The following PREX1 variants were observed in gnomAD, a reference collection of about 807,000 sequenced individuals.
PREX1 encodes phosphatidylinositol-3,4,5-trisphosphate dependent Rac exchange factor 1.
PREX1 carries 41 observed loss-of-function variants against 198.3 expected under a neutral mutation model. The observed-to-expected ratio is 0.21, with a 90% CI of 0.16 to 0.27. The LOEUF is 0.27. PREX1 is among the 10% of genes least tolerant of loss of function. PREX1 has a pLI of 1.00. For synonymous variants in PREX1, 843 were observed against 887.2 expected (o/e 0.95, Z 0.89); for missense variants, 1,620 against 2,200.7 (o/e 0.74, Z 5.28).
intron 1 of PREX1, among the ~76,000 whole-genome samples, chr20:48,813,693 G>A (rs888267809): frequency 3.3e-5 from 5 of 152,062 alleles, no homozygotes; most frequent in South Asian, 2.1e-4. Flanking sequence ...GAGGGGGAGC[G>A]ATCAAATAAA....
At chr20:48,882,940 T>TC in the PREX1 span, among the ~76,000 whole-genome samples, 1 of 150,184 alleles carries the variant, frequency 6.7e-6, no homozygotes, top group African/African-American at 2.5e-5. Context: ...CCTTTTTTTT[T>TC]TTTTTTTTTT....
chr20:48,764,905 A>C (rs2122856037), intron 1 of PREX1, among the ~76,000 whole-genome samples: 1 of 152,238 alleles, frequency 6.6e-6, no homozygotes, highest in Middle Eastern at 3.4e-3. Flanking sequence ...CCACAAGCCA[A>C]GGAATGCAGG....
rs1207640899 is a variant in PREX1, at chr20:48,649,700, C to T, written c.3029-124G>A. 22 of 1,187,582 alleles carry T rather than the reference C, an allele frequency of 1.9e-5. No homozygotes were observed. The South Asian group carries it at 3.0e-4, about 16-fold the overall frequency. The allele number at this position is 1,187,582 out of a possible 1,614,324, so 73.6% of individuals were successfully genotyped here. ...AGGAGAAAAATGTCCCTTCTAAATA[C>T]TCTTAATTCATTCAGTTACTTCAAG... On this transcript the variant is annotated intron_variant, in intron 24 of 39. Coordinates refer to ENST00000371941, the MANE Select transcript of PREX1 (RefSeq NM_020820.4).
intron 16 of PREX1, among the ~76,000 whole-genome samples, chr20:48,658,983 C>G (rs574955698): frequency 6.6e-6 from 1 of 151,982 alleles, no homozygotes; most frequent in Admixed American, 6.6e-5. Flanking sequence ...AATCCCAGCA[C>G]TTTGGGAGGC....
At chr20:48,845,776 T>C in the PREX1 span, among the ~76,000 whole-genome samples, 1 of 151,168 alleles carries the variant, frequency 6.6e-6, no homozygotes, top group African/African-American at 2.4e-5. Flanking sequence ...TGGACCAAAT[T>C]TGAGCTTTCC....
the PREX1 span, among the ~76,000 whole-genome samples, chr20:48,837,667 G>A: frequency 2.6e-5 from 4 of 152,188 alleles, no homozygotes; most frequent in African/African-American, 9.7e-5. Context: ...GGGCCTACTT[G>A]AGGGTGAAGA....
chr20:48,881,009 A>AAAAAAAAAAAAAAAAC, the PREX1 span, among the ~76,000 whole-genome samples: 1 of 147,360 alleles, frequency 6.8e-6, no homozygotes, highest in Non-Finnish European at 1.5e-5. Flanking sequence ...AAAAAAAAAA[A>AAAAAAAAAAAAAAAAC]GCTTCTTTTC....
chr20:48,634,168 A>ATGAT, intron 33 of PREX1, among the ~76,000 whole-genome samples: 1 of 107,800 alleles, frequency 9.3e-6, no homozygotes, highest in African/African-American at 3.0e-5. Flanking sequence ...GGATGGATGG[A>ATGAT]TGGATGCATG....
chr20:48,792,379 A>G (rs1446195780), intron 1 of PREX1, among the ~76,000 whole-genome samples: 1 of 152,092 alleles, frequency 6.6e-6, no homozygotes, highest in Non-Finnish European at 1.5e-5. Context: ...CTGAGGCAGG[A>G]GAATCACTTG....
chr20:48,640,691 C>T (rs1004489535), intron 29 of PREX1, among the ~76,000 whole-genome samples: 1 of 152,154 alleles, frequency 6.6e-6, no homozygotes, highest in Non-Finnish European at 1.5e-5. Context: ...GTGCCCAGTA[C>T]AAGGCCTGGC....
intron 21 of PREX1, among the ~76,000 whole-genome samples, chr20:48,652,267 TAA>T (rs55891542): frequency 4.0e-5 from 6 of 149,004 alleles, no homozygotes; most frequent in Admixed American, 6.6e-5. Context: ...ACCTCATCTC[TAA>T]AAAAAAAACT....
chr20:48,690,001 GGAGACCAGGGGT>G (rs1568825744), intron 9 of PREX1, among the ~76,000 whole-genome samples: 1 of 152,172 alleles, frequency 6.6e-6, no homozygotes, highest in Non-Finnish European at 1.5e-5. Flanking sequence ...GTGTTGCAGG[GGAGACCAGGGGT>G]GATACGAAGA....
rs141444380 is a variant in PREX1 at position 48,636,679 on chromosome 20, C to T, written c.3951G>A (p.Thr1317=). The part of the protein sequence containing the change: ...LLLALLKCTD[T]ELQLRRDAIF... Reference sequence around the variant, plus strand: ...TCGCGTCTCTGCGCAGCTGCAGCTCCGTGTCTGGGGGCAGAGGGCAGGAGG... The same window carrying T: ...TCGCGTCTCTGCGCAGCTGCAGCTCTGTGTCTGGGGGCAGAGGGCAGGAGG... Residue 1317 remains threonine, a synonymous_variant, in exon 32 of 40, where the codon ACG becomes ACA. Coordinates refer to ENST00000371941, the MANE Select transcript of PREX1 (RefSeq NM_020820.4). The T allele has an allele frequency of 4.0e-4, 644 of 1,601,560 alleles. 3 individuals are homozygous for T. In the African/African-American group the frequency reaches 7.8e-3, roughly 19 times the overall value.
chr20:48,632,658 C>G lies in PREX1; in HGVS notation c.4268-19G>C. On this transcript the variant is annotated intron_variant, in intron 33 of 39. Coordinates refer to ENST00000371941, the MANE Select transcript of PREX1 (RefSeq NM_020820.4). ...TTGGTGTCTGCGGAAGGATATGGGG[C>G]AGGATGACTCACCACCGAGGCCAAG... 6.2e-7 allele frequency: 1 copy of G among 1,612,748 alleles called. No individual in the cohort carries two copies. Among genetic ancestry groups the G allele is most frequent in the South Asian group, 1.1e-5 (1 of 90,940 alleles).
intron 5 of PREX1, among the ~76,000 whole-genome samples, chr20:48,721,832 T>A (rs948042787): frequency 1.3e-5 from 2 of 151,292 alleles, no homozygotes; most frequent in African/African-American, 4.9e-5. Flanking sequence ...CTGGACAGAG[T>A]CTGAGAGCAG....
chr20:48,665,493 G>T (rs931336744), intron 15 of PREX1, among the ~76,000 whole-genome samples: 1 of 149,654 alleles, frequency 6.7e-6, no homozygotes, highest in African/African-American at 2.4e-5. Flanking sequence ...GACTCCAGAC[G>T]GCCTGAGTTC....
chr20:48,868,688 C>A, the PREX1 span, among the ~76,000 whole-genome samples: 5 of 152,240 alleles, frequency 3.3e-5, no homozygotes, highest in Admixed American at 2.0e-4. Context: ...ACTACAGTTT[C>A]CCACTCCACA....
chr20:48,845,524 G>A, the PREX1 span, among the ~76,000 whole-genome samples: 2 of 152,014 alleles, frequency 1.3e-5, no homozygotes, highest in African/African-American at 2.4e-5. Context: ...GCAACATGAC[G>A]AAAAGTGTCT....
At chr20:48,865,938 C>T in the PREX1 span, among the ~76,000 whole-genome samples, 5 of 150,050 alleles carry the variant, frequency 3.3e-5, no homozygotes, top group African/African-American at 9.9e-5. Context: ...ATGCCCTTTT[C>T]GAAGTGTTAA....
Sources: allele counts gnomAD v4.1 joint callset (sites outside exome capture counted in the v4.1 genomes callset), GRCh38; gene constraint gnomAD v4.1.1; transcripts MANE v1.5; gene names NCBI Gene and HGNC (gene_info 2026-07-23, HGNC 2026-07-21).